The following DAPK2 variants were observed in gnomAD, a reference collection of about 807,000 sequenced individuals.
The protein encoded by DAPK2 is death-associated protein kinase 2.
In DAPK2, 35 loss-of-function variants were observed where a neutral mutation model predicts 44.1. The observed-to-expected ratio is 0.79, with a 90% CI of 0.61 to 1.05. The LOEUF is 1.05. Ranked by LOEUF, DAPK2 falls within the 50% of genes least tolerant of loss-of-function variation. The pLI is 0.00. For missense variants in DAPK2, 453 were observed against 483.2 expected (o/e 0.94, Z 0.59); for synonymous variants, 174 against 182.6 (o/e 0.95, Z 0.38).
At chr15:63,931,698 G>A (rs1298245716) in intron 4 of DAPK2, among the ~76,000 whole-genome samples, 4 of 152,192 alleles carry the variant, frequency 2.6e-5, no homozygotes, top group Non-Finnish European at 5.9e-5. Flanking sequence ...AGCCATCCAT[G>A]TACAGGAAGG....
At chr15:64,041,552 C>T (rs2080353738), upstream of DAPK2, among the ~76,000 whole-genome samples, 2 of 152,212 alleles carry the variant, frequency 1.3e-5, no homozygotes, top group South Asian at 2.1e-4. Context: ...AAACCAGCTG[C>T]CTGTGGATGT....
intron 1 of DAPK2, among the ~76,000 whole-genome samples, chr15:63,993,280 G>A (rs1332715857): frequency 6.6e-6 from 1 of 152,216 alleles, no homozygotes; most frequent in African/African-American, 2.4e-5. Context: ...GGCTTGAATA[G>A]TGGCAAGTTT....
rs1321947631 is a variant in DAPK2 at position 63,943,260 on chromosome 15, CA to C, written c.454-3900del. Among the ~76,000 whole-genome samples, 3 of 151,704 alleles carry C rather than the reference CA, an allele frequency of 2.0e-5. No individual in the cohort carries two copies. The East Asian group carries it at 5.8e-4, about 29-fold the overall frequency. ...GCAACTTGGAGAAACCCTGTCTCTA[CA>C]AAAAAAATTTTTAAAAATTAGCCCA... On this transcript the variant is annotated intron_variant, in intron 3 of 10. Transcript: ENST00000261891.
At chr15:64,014,560 AG>A (rs962743077) in intron 1 of DAPK2, among the ~76,000 whole-genome samples, 3 of 152,242 alleles carry the variant, frequency 2.0e-5, no homozygotes, top group African/African-American at 7.2e-5. Flanking sequence ...ATGGTACTGC[AG>A]GGGGGCTTAC....
At chr15:63,978,237 C>T (rs1049519671) in intron 2 of DAPK2, among the ~76,000 whole-genome samples, 12 of 152,160 alleles carry the variant, frequency 7.9e-5, no homozygotes, top group Admixed American at 7.2e-4. Flanking sequence ...CTGCAGTGCC[C>T]CCTCTGAAAC....
chr15:64,021,266 T>C (rs1453615661), intron 1 of DAPK2, among the ~76,000 whole-genome samples: 5 of 152,170 alleles, frequency 3.3e-5, no homozygotes, highest in Non-Finnish European at 7.3e-5. Flanking sequence ...GATACTGCGA[T>C]GTGGGACGAC....
rs1388722465 is a variant in DAPK2 at position 63,966,980 on chromosome 15, C to A, written c.453+4443G>T. ...CGGATCACGAGTCAGGAGATGGAGACCATCCTGGCTAACATGGTGAAACCC... is the reference window on the plus strand; with the variant it reads ...CGGATCACGAGTCAGGAGATGGAGAACATCCTGGCTAACATGGTGAAACCC... On this transcript the variant is annotated intron_variant, in intron 3 of 10. Coordinates refer to ENST00000261891, the Ensembl canonical transcript of DAPK2. This position sits in a 1 kb window ranked among gnomAD's most constrained non-coding sequence, Gnocchi z 5.5. 6.6e-6 allele frequency among the ~76,000 whole-genome samples: 1 copy of A among 151,882 alleles called. No individual in the cohort carries two copies. The highest frequency in any genetic ancestry group is 1.9e-4 in the East Asian group (1 of 5,154).
At chr15:64,027,430 A>G (rs926081788) in intron 1 of DAPK2, among the ~76,000 whole-genome samples, 1 of 151,850 alleles carries the variant, frequency 6.6e-6, no homozygotes, top group Non-Finnish European at 1.5e-5. Flanking sequence ...TTAGCCAGGT[A>G]TGGTGGCACA....
intron 4 of DAPK2, among the ~76,000 whole-genome samples, chr15:63,938,798 G>A (rs1190631694): frequency 6.6e-6 from 1 of 152,226 alleles, no homozygotes; most frequent in Non-Finnish European, 1.5e-5. Flanking sequence ...TAGAGGAGAG[G>A]CGAGTGGGTG....
intron 1 of DAPK2, among the ~76,000 whole-genome samples, chr15:63,999,230 T>C (rs1320677693): frequency 1.3e-5 from 2 of 152,148 alleles, no homozygotes; most frequent in Non-Finnish European, 2.9e-5. Flanking sequence ...TCTCTTCCTC[T>C]CCAGCCCAGG....
At chr15:63,976,967 G>C (rs745378887) in intron 2 of DAPK2, among the ~76,000 whole-genome samples, 9 of 152,098 alleles carry the variant, frequency 5.9e-5, no homozygotes, top group Non-Finnish European at 1.2e-4. Flanking sequence ...CTAACTACTA[G>C]TTACAGGAAA....
rs879576538 is a variant in DAPK2 at position 63,912,491 on chromosome 15, G to A, written c.859-294C>T. Among the ~76,000 whole-genome samples the A allele has an allele frequency of 2.0e-5, 3 of 152,218 alleles. No individual in the cohort carries two copies. The highest frequency in any genetic ancestry group is 7.2e-5 in the African/African-American group (3 of 41,456). ...ATAGCAGGAGGCAGGCCCTCCAATCGCACATCACTTTGGGGAGAGGGTCAT... is the reference window on the plus strand; with the variant it reads ...ATAGCAGGAGGCAGGCCCTCCAATCACACATCACTTTGGGGAGAGGGTCAT... On this transcript the variant is annotated intron_variant, in intron 8 of 10. Transcript: ENST00000261891. The surrounding 1 kb of genome is among the most constrained non-coding windows in gnomAD (Gnocchi z 4.4).
chr15:64,033,192 CGAGGCTG>C (rs1384624014), intron 1 of DAPK2, among the ~76,000 whole-genome samples: 1 of 146,570 alleles, frequency 6.8e-6, no homozygotes, highest in Non-Finnish European at 1.5e-5. Flanking sequence ...CCCAGGAGGT[CGAGGCTG>C]CAATGAGCCA....
chr15:63,944,701 T>TG (rs1301159754), intron 3 of DAPK2, among the ~76,000 whole-genome samples: 1 of 152,146 alleles, frequency 6.6e-6, no homozygotes, highest in Non-Finnish European at 1.5e-5. Flanking sequence ...AGCAGTGGGG[T>TG]GGGGGCTTCC....
chr15:63,950,520 A>C (rs1321129680), intron 3 of DAPK2, among the ~76,000 whole-genome samples: 1 of 152,224 alleles, frequency 6.6e-6, no homozygotes, highest in African/African-American at 2.4e-5. Context: ...GCCCAGCCAG[A>C]AAGAGAAAAC....
chr15:64,014,927 C>CAAAAA, intron 1 of DAPK2, among the ~76,000 whole-genome samples: 1 of 120,306 alleles, frequency 8.3e-6, no homozygotes, highest in South Asian at 2.9e-4. Context: ...GACTCCATCT[C>CAAAAA]AAAAAAAAAA....
chr15:63,994,480 G>A (rs564183599), intron 1 of DAPK2, among the ~76,000 whole-genome samples: 1 of 148,448 alleles, frequency 6.7e-6, no homozygotes, highest in South Asian at 2.2e-4. Context: ...CGCACAAAAA[G>A]GAAGCTAAAA....
intron 3 of DAPK2, among the ~76,000 whole-genome samples, chr15:63,952,644 G>GT (rs5813269): frequency 0.97 from 145,823 of 149,744 alleles, 71,102 homozygotes; most frequent in South Asian, 1. Flanking sequence ...TCCATGATCT[G>GT]TTTTTTTTTA....
intron 1 of DAPK2, among the ~76,000 whole-genome samples, chr15:64,034,495 T>A (rs556435366): frequency 6.6e-4 from 101 of 152,298 alleles, no homozygotes; most frequent in Non-Finnish European, 1.3e-3. Flanking sequence ...TGGCAGGGTG[T>A]CTTGCATACA....
Sources: gnomAD v4.1 joint callset for allele counts (sites outside exome capture counted in the v4.1 genomes callset) on GRCh38, gnomAD v4.1.1 for gene constraint, Gnocchi (gnomAD v3.1) non-coding constraint, MANE v1.5 for transcripts, NCBI Gene and HGNC (gene_info 2026-07-23, HGNC 2026-07-21) for gene names.